RAVER2: variants seen among roughly 807,000 people sequenced by gnomAD.
RAVER2 encodes the protein ribonucleoprotein, PTB binding 2.
RAVER2 carries 46 observed loss-of-function variants against 78.1 expected under a neutral mutation model. The ratio of observed to expected loss-of-function variants is 0.59; its 90% CI spans 0.46 to 0.75. The LOEUF (loss-of-function observed/expected upper bound fraction) is 0.75. Among genes scored for constraint, RAVER2 ranks in the 30% least tolerant of loss-of-function variants. RAVER2 has a pLI of 0.00. For missense variants in RAVER2, 793 were observed against 837.5 expected, an observed-to-expected ratio of 0.95 and a Z score of 0.66; for synonymous variants, 311 against 313.3, an observed-to-expected ratio of 0.99 and a Z score of 0.08.
intron 5 of RAVER2, among the ~76,000 whole-genome samples, chr1:64,794,185 C>T (rs751171697): frequency 2.6e-5 from 4 of 151,668 alleles, no homozygotes; most frequent in East Asian, 1.9e-4. Flanking sequence ...TCGAGGCGAG[C>T]GGATCACGAG....
chr1:64,803,746 A>G (rs954561663), intron 6 of RAVER2, among the ~76,000 whole-genome samples: 2 of 152,170 alleles, frequency 1.3e-5, no homozygotes, highest in Admixed American at 6.5e-5. Context: ...CATTTACTCA[A>G]TGTATTTTAT....
At chr1:64,818,223 C>T (rs1191772807) in intron 11 of RAVER2, among the ~76,000 whole-genome samples, 3 of 152,122 alleles carry the variant, frequency 2.0e-5, no homozygotes, top group Admixed American at 6.6e-5. Context: ...CATACTATCT[C>T]CCTACAGATA....
intron 11 of RAVER2, among the ~76,000 whole-genome samples, chr1:64,819,236 T>C (rs757801898): frequency 2.0e-5 from 3 of 152,144 alleles, no homozygotes; most frequent in Non-Finnish European, 4.4e-5. Flanking sequence ...ATTATAAATA[T>C]GTTTAGGAAC....
intron 2 of RAVER2, among the ~76,000 whole-genome samples, chr1:64,770,894 A>C (rs547241221): frequency 6.6e-6 from 1 of 152,166 alleles, no homozygotes; most frequent in East Asian, 1.9e-4. Flanking sequence ...AATGAAACAC[A>C]GAGAGAAAAA....
At chr1:64,759,852 T>C (rs1385220529) in intron 1 of RAVER2, among the ~76,000 whole-genome samples, 2 of 152,116 alleles carry the variant, frequency 1.3e-5, no homozygotes, top group Non-Finnish European at 2.9e-5. Flanking sequence ...AACATATTGG[T>C]TTATGTTAAT....
At chr1:64,757,076 A>G (rs1241150720) in intron 1 of RAVER2, among the ~76,000 whole-genome samples, 1 of 152,216 alleles carries the variant, frequency 6.6e-6, no homozygotes, top group African/African-American at 2.4e-5. Flanking sequence ...TATTTTTCCC[A>G]TTCACTATTC....
chr1:64,831,810 T>G (rs1654143269), exon 12 of RAVER2: 1 of 152,166 alleles, frequency 6.6e-6, no homozygotes, highest in African/African-American at 2.4e-5. Flanking sequence ...AAATTCAGAT[T>G]TCAGTGTCCA....
intron 4 of RAVER2, among the ~76,000 whole-genome samples, chr1:64,782,866 G>A (rs1357700519): frequency 6.6e-6 from 1 of 152,168 alleles, no homozygotes; most frequent in East Asian, 1.9e-4. Flanking sequence ...TTCTCCCAAT[G>A]CTATCAATCC....
intron 2 of RAVER2, among the ~76,000 whole-genome samples, chr1:64,768,975 C>T (rs1471594356): frequency 1.3e-5 from 2 of 151,950 alleles, no homozygotes; most frequent in African/African-American, 2.4e-5. Context: ...AGTGAATGTT[C>T]TTCATAGGCT....
intron 1 of RAVER2, among the ~76,000 whole-genome samples, chr1:64,751,097 C>T (rs1651685124): frequency 6.6e-6 from 1 of 152,220 alleles, no homozygotes; most frequent in South Asian, 2.1e-4. Flanking sequence ...GTGTTAACAG[C>T]CATTCCAAAG....
chr1:64,763,915 A>T (rs1469491454), intron 1 of RAVER2, among the ~76,000 whole-genome samples: 1 of 75,252 alleles, frequency 1.3e-5, no homozygotes, highest in African/African-American at 6.4e-5. Flanking sequence ...AAAAAACAAA[A>T]ATACACACAC....
chr1:64,811,063 A>T (rs1418980489), intron 9 of RAVER2, among the ~76,000 whole-genome samples: 2 of 152,214 alleles, frequency 1.3e-5, no homozygotes, highest in Non-Finnish European at 2.9e-5. Context: ...ACCTATTATT[A>T]AAAAGTTAAA....
At chr1:64,774,907 T>C (rs1557589250) in intron 2 of RAVER2, among the ~76,000 whole-genome samples, 1 of 152,178 alleles carries the variant, frequency 6.6e-6, no homozygotes, top group Non-Finnish European at 1.5e-5. Context: ...TTGTAAATTG[T>C]ATTCCTAGGT....
intron 6 of RAVER2, 122 bp downstream of exon 6, chr1:64,803,183 T>C: frequency 1.4e-6 from 1 of 692,410 alleles, no homozygotes; most frequent in East Asian, 2.9e-5. Flanking sequence ...AAATCTTTAA[T>C]AATAAGTATA....
intron 1 of RAVER2, among the ~76,000 whole-genome samples, chr1:64,765,966 C>T (rs950961828): frequency 1.3e-5 from 2 of 152,098 alleles, no homozygotes; most frequent in Non-Finnish European, 2.9e-5. Flanking sequence ...CATGCTTCAT[C>T]AAGGAGGTCT....
At chr1:64,787,314 G>A (rs1652808908) in intron 4 of RAVER2, among the ~76,000 whole-genome samples, 1 of 152,102 alleles carries the variant, frequency 6.6e-6, no homozygotes, top group Non-Finnish European at 1.5e-5. Flanking sequence ...TCACCTTTCT[G>A]TATGTCACTG....
intron 1 of RAVER2, among the ~76,000 whole-genome samples, chr1:64,747,082 G>T (rs991217035): frequency 6.6e-6 from 1 of 152,006 alleles, no homozygotes; most frequent in Non-Finnish European, 1.5e-5. Context: ...ATTTCCCTTC[G>T]CAATAGACAT....
intron 3 of RAVER2, among the ~76,000 whole-genome samples, chr1:64,778,394 T>C (rs1372396823): frequency 6.6e-6 from 1 of 152,128 alleles, no homozygotes; most frequent in East Asian, 1.9e-4. Flanking sequence ...CCAACTTTTA[T>C]TTACCATCTT....
intron 1 of RAVER2, among the ~76,000 whole-genome samples, chr1:64,757,970 C>T (rs188311723): frequency 4.6e-5 from 7 of 152,168 alleles, no homozygotes; most frequent in East Asian, 1.9e-4. Flanking sequence ...CTCCCATCAC[C>T]GCTGCAGATG....
Sources: allele counts gnomAD v4.1 joint callset (sites outside exome capture counted in the v4.1 genomes callset), GRCh38; gene constraint gnomAD v4.1.1; transcripts MANE v1.5; gene names NCBI Gene and HGNC (gene_info 2026-07-23, HGNC 2026-07-21).